ENTPD1: variants seen among roughly 807,000 people sequenced by gnomAD.
ENTPD1 encodes ATP diphosphohydrolase.
A neutral mutation model predicts 57.0 loss-of-function variants in ENTPD1; 33 were observed. That is an observed-to-expected ratio of 0.58 (90% confidence interval 0.44 to 0.77). The LOEUF is 0.77. Ranked by LOEUF, ENTPD1 falls within the 30% of genes least tolerant of loss-of-function variation. The pLI is 0.00. For synonymous variants in ENTPD1, 202 were observed against 218.8 expected, an observed-to-expected ratio of 0.92 and a Z score of 0.68; for missense variants, 501 against 603.4, an observed-to-expected ratio of 0.83 and a Z score of 1.78.
At chr10:95,760,811 A>ATTTTTTTTTT (rs1399145317) in intron 1 of ENTPD1, among the ~76,000 whole-genome samples, 1 of 48,400 alleles carries the variant, frequency 2.1e-5, no homozygotes, top group African/African-American at 8.1e-5. Context: ...CATAGAGTTT[A>ATTTTTTTTTT]TTCTTTTTTT....
chr10:95,756,268 T>C lies in ENTPD1; in HGVS notation c.16+13T>C, dbSNP rs766973012. 1.9e-6 allele frequency: 3 copies of C among 1,587,368 alleles called. No individual in the cohort carries two copies. The highest frequency in any genetic ancestry group is 2.3e-5 in the South Asian group (2 of 87,394). ...GAAGATACAAAGGGTAAGACCAAAA[T>C]TGATTTGATCTGAATCCTTAAGAAA... On this transcript the variant is annotated intron_variant, in intron 1 of 9. Transcript: ENST00000371205.
At chr10:95,730,384 C>T (rs568992876) in intron 1 of ENTPD1, among the ~76,000 whole-genome samples, 29 of 152,180 alleles carry the variant, frequency 1.9e-4, no homozygotes, top group Non-Finnish European at 3.7e-4. Flanking sequence ...GTGCCACCAC[C>T]ATTTGGCTTA....
chr10:95,864,900 T>C, intron 9 of ENTPD1, 39 bp downstream of exon 9: 1 of 1,608,378 alleles, frequency 6.2e-7, no homozygotes, highest in Non-Finnish European at 8.5e-7. Context: ...GAGGTTGGGG[T>C]TCGGTGGTAG....
At chr10:95,732,004 A>G (rs914935551) in intron 1 of ENTPD1, among the ~76,000 whole-genome samples, 31 of 151,830 alleles carry the variant, frequency 2.0e-4, no homozygotes, top group African/African-American at 7.3e-4. Flanking sequence ...GTTGACCTTG[A>G]ACTCCTGACC....
intron 1 of ENTPD1, among the ~76,000 whole-genome samples, chr10:95,769,218 C>T (rs539960102): frequency 6.6e-6 from 1 of 152,332 alleles, no homozygotes; most frequent in African/African-American, 2.4e-5. Context: ...AGGAAGGAGC[C>T]TTTGCTCCTT....
intron 1 of ENTPD1, among the ~76,000 whole-genome samples, chr10:95,748,363 A>G (rs2098008309): frequency 6.6e-6 from 1 of 152,250 alleles, no homozygotes; most frequent in South Asian, 2.1e-4. Context: ...ATATCATCAA[A>G]TAATCTCCCA....
chr10:95,756,643 G>T, intron 1 of ENTPD1: 1 of 198,734 alleles, frequency 5.0e-6, no homozygotes, highest in Non-Finnish European at 1.0e-5. Flanking sequence ...GAAGATGCTG[G>T]GCTCTGCGTG....
intron 1 of ENTPD1, among the ~76,000 whole-genome samples, chr10:95,741,603 A>C (rs1158922989): frequency 6.6e-6 from 1 of 152,232 alleles, no homozygotes; most frequent in Non-Finnish European, 1.5e-5. Flanking sequence ...TGTGAAACAC[A>C]ATAAAGCCAA....
rs564688442 is a variant in ENTPD1 at position 95,847,779 on chromosome 10, A to G, written c.1074+73A>G. 3.3e-5 allele frequency: 53 copies of G among 1,603,154 alleles called. No homozygotes were observed. In the Middle Eastern group the frequency reaches 8.3e-4, roughly 25 times the overall value. Reference sequence around the variant, plus strand: ...TAGAATATGTGCCTACAAAAGATTTAAATAATAGGATGCATTTTTCTCTTA... The same window carrying G: ...TAGAATATGTGCCTACAAAAGATTTGAATAATAGGATGCATTTTTCTCTTA... On this transcript the variant is annotated intron_variant, in intron 7 of 9. Transcript: ENST00000371205.
At chr10:95,696,403 C>T in the ENTPD1 span, among the ~76,000 whole-genome samples, 1 of 152,132 alleles carries the variant, frequency 6.6e-6, no homozygotes, top group Non-Finnish European at 1.5e-5. Context: ...GCCTCAGCCT[C>T]CCTAGTAGCT....
chr10:95,858,030 C>T (rs1162362237), intron 7 of ENTPD1, among the ~76,000 whole-genome samples: 3 of 151,896 alleles, frequency 2.0e-5, no homozygotes, highest in Non-Finnish European at 4.4e-5. Flanking sequence ...TGGTGGCAGG[C>T]GCCTGTAATC....
intron 1 of ENTPD1, among the ~76,000 whole-genome samples, chr10:95,809,014 A>G (rs1162452585): frequency 1.3e-5 from 2 of 152,158 alleles, no homozygotes; most frequent in African/African-American, 4.8e-5. Flanking sequence ...GACACAGCAC[A>G]TGTTTCAGAG....
At chr10:95,699,618 AAGAGAG>A in the ENTPD1 span, among the ~76,000 whole-genome samples, 1 of 134,024 alleles carries the variant, frequency 7.5e-6, no homozygotes, top group East Asian at 2.0e-4. Context: ...AAAAAAAAGA[AAGAGAG>A]AGATTGAGAG....
intron 1 of ENTPD1, among the ~76,000 whole-genome samples, chr10:95,760,687 C>T (rs1172375922): frequency 6.6e-6 from 1 of 152,116 alleles, no homozygotes; most frequent in Admixed American, 6.5e-5. Context: ...TGTTTCTCCG[C>T]TCTTTATAAC....
chr10:95,858,904 A>G (rs1443199962), intron 7 of ENTPD1, among the ~76,000 whole-genome samples: 4 of 152,194 alleles, frequency 2.6e-5, no homozygotes, highest in African/African-American at 9.7e-5. Context: ...GGATTTCTAT[A>G]AAGGATTGTT....
At chr10:95,812,566 T>C (rs1433358800) in intron 1 of ENTPD1, among the ~76,000 whole-genome samples, 1 of 152,260 alleles carries the variant, frequency 6.6e-6, no homozygotes, top group African/African-American at 2.4e-5. Flanking sequence ...CATGTCTTTG[T>C]GTGGACATAG....
At chr10:95,732,396 A>C (rs993913325) in intron 1 of ENTPD1, among the ~76,000 whole-genome samples, 13 of 152,188 alleles carry the variant, frequency 8.5e-5, no homozygotes, top group African/African-American at 3.1e-4. Flanking sequence ...TTCCACACCC[A>C]GCCATCTAAC....
intron 4 of ENTPD1, among the ~76,000 whole-genome samples, chr10:95,842,772 C>CTA (rs2098425296): frequency 6.6e-6 from 1 of 151,988 alleles, no homozygotes; most frequent in Non-Finnish European, 1.5e-5. Flanking sequence ...AGACTGGGCC[C>CTA]GTATACTCTG....
At chr10:95,727,511 G>A (rs552388265) in intron 1 of ENTPD1, among the ~76,000 whole-genome samples, 4 of 152,196 alleles carry the variant, frequency 2.6e-5, no homozygotes, top group Non-Finnish European at 4.4e-5. Flanking sequence ...ATTCCCTCAC[G>A]TGTCAATCAG....
Sources: allele counts gnomAD v4.1 joint callset (sites outside exome capture counted in the v4.1 genomes callset), GRCh38; gene constraint gnomAD v4.1.1; transcripts MANE v1.5; gene names NCBI Gene and HGNC (gene_info 2026-07-23, HGNC 2026-07-21).